Variants in LRRC37A2 observed in about 807,000 individuals in gnomAD.
LRRC37A2 encodes leucine-rich repeat-containing protein 37A2.
A neutral mutation model predicts 68.8 loss-of-function variants in LRRC37A2; 9 were observed. The ratio of observed to expected loss-of-function variants is 0.13; its 90% confidence interval spans 0.08 to 0.23. The LOEUF (loss-of-function observed/expected upper bound fraction) is 0.23, where lower values mean the gene tolerates loss of function less well. Ranked by LOEUF, LRRC37A2 falls within the 10% of genes least tolerant of loss-of-function variation. LRRC37A2 has a pLI of 1.00. For synonymous variants in LRRC37A2, 63 were observed against 367.6 expected (o/e 0.17, Z 9.48); for missense variants, 168 against 950.4 (o/e 0.18, Z 10.82).
chr17:46,876,753 G>T, the LRRC37A2 span: 1 of 1,509,216 alleles, frequency 6.6e-7, no homozygotes, highest in Non-Finnish European at 8.9e-7. Flanking sequence ...GGCACTGCCA[G>T]GACCTCCTGT....
the LRRC37A2 span, chr17:46,749,792 T>C: frequency 1.2e-6 from 2 of 1,614,042 alleles, no homozygotes; most frequent in African/African-American, 1.3e-5. Context: ...CTTCTTATCA[T>C]TGGGACCACT....
At chr17:46,919,900 T>C in the LRRC37A2 span, among the ~76,000 whole-genome samples, 3 of 151,912 alleles carry the variant, frequency 2.0e-5, no homozygotes, top group Non-Finnish European at 4.4e-5. Flanking sequence ...TGAACCAAGA[T>C]TGCACCATTG....
chr17:46,720,512 C>T, the LRRC37A2 span, among the ~76,000 whole-genome samples: 1 of 152,160 alleles, frequency 6.6e-6, no homozygotes, highest in Non-Finnish European at 1.5e-5. Flanking sequence ...AGTTTAGGTC[C>T]ACTTCCTGAG....
the LRRC37A2 span, among the ~76,000 whole-genome samples, chr17:46,828,712 C>T: frequency 2.6e-5 from 4 of 151,518 alleles, no homozygotes; most frequent in Non-Finnish European, 5.9e-5. Flanking sequence ...ATTTCCAGCA[C>T]TTTGGGAGGC....
chr17:46,848,689 T>C, the LRRC37A2 span, among the ~76,000 whole-genome samples: 1 of 152,250 alleles, frequency 6.6e-6, no homozygotes, highest in Non-Finnish European at 1.5e-5. Flanking sequence ...AGTCAGGCTG[T>C]GCCTGGGCAG....
chr17:46,941,884 C>T, the LRRC37A2 span: 1 of 977,028 alleles, frequency 1.0e-6, no homozygotes, highest in South Asian at 4.7e-5. Context: ...CTGTACCTGG[C>T]CTCTAAGGTG....
At chr17:46,727,261 C>A in the LRRC37A2 span, among the ~76,000 whole-genome samples, 1 of 152,116 alleles carries the variant, frequency 6.6e-6, no homozygotes, top group Non-Finnish European at 1.5e-5. Context: ...AGACTTGGTC[C>A]TGGCACTTAA....
At chr17:46,931,194 CA>C in the LRRC37A2 span, 1 of 1,525,986 alleles carries the variant, frequency 6.6e-7, no homozygotes, top group Non-Finnish European at 9.1e-7. Context: ...TAACAAAAGG[CA>C]AAATGCCAGA....
chr17:46,944,822 A>G, the LRRC37A2 span, among the ~76,000 whole-genome samples: 1 of 151,714 alleles, frequency 6.6e-6, no homozygotes, highest in African/African-American at 2.4e-5. Context: ...CTGGTCTCGA[A>G]CTCCTGACTT....
chr17:46,946,844 C>T, the LRRC37A2 span, among the ~76,000 whole-genome samples: 13 of 152,144 alleles, frequency 8.5e-5, no homozygotes, highest in Admixed American at 3.3e-4. Context: ...GCCTGGGTGA[C>T]GAAATGAGAC....
the LRRC37A2 span, among the ~76,000 whole-genome samples, chr17:46,900,220 CATATATATATATAT>C: frequency 8.2e-6 from 1 of 122,176 alleles, no homozygotes; most frequent in African/African-American, 3.8e-5. Flanking sequence ...CACACACACA[CATATATATATATAT>C]ACACACATAT....
chr17:46,932,023 G>A, the LRRC37A2 span: 1 of 1,600,752 alleles, frequency 6.2e-7, no homozygotes, highest in Non-Finnish European at 8.6e-7. Flanking sequence ...AGATTCTGCT[G>A]CCCTGAGTTC....
the LRRC37A2 span, among the ~76,000 whole-genome samples, chr17:46,710,653 T>C: frequency 6.6e-6 from 1 of 152,202 alleles, no homozygotes; most frequent in Non-Finnish European, 1.5e-5. Context: ...TCAAACTGCA[T>C]ACTGTTGATA....
the LRRC37A2 span, among the ~76,000 whole-genome samples, chr17:47,000,086 T>TAAAAAAAATAAAAATAA: frequency 1.7e-4 from 2 of 11,546 alleles, 1 homozygote; most frequent in East Asian, 6.3e-3. Flanking sequence ...AAAAATAAAA[T>TAAAAAAAATAAAAATAA]AAAATAAAAT....
chr17:46,940,567 C>T, the LRRC37A2 span: 3 of 1,614,184 alleles, frequency 1.9e-6, no homozygotes, highest in Non-Finnish European at 2.5e-6. Context: ...ACCCAAGGAT[C>T]CTGCCAGACA....
chr17:46,954,481 C>T, the LRRC37A2 span, among the ~76,000 whole-genome samples: 1 of 152,144 alleles, frequency 6.6e-6, no homozygotes, highest in Non-Finnish European at 1.5e-5. Flanking sequence ...ATGCCTCCAG[C>T]TTTGTTCTTT....
chr17:46,815,463 G>A, the LRRC37A2 span, among the ~76,000 whole-genome samples: 278 of 152,250 alleles, frequency 1.8e-3, no homozygotes, highest in African/African-American at 6.3e-3. Flanking sequence ...AATCCTTCCT[G>A]GGGAATGCAT....
chr17:46,896,872 G>T, the LRRC37A2 span, among the ~76,000 whole-genome samples: 1 of 152,140 alleles, frequency 6.6e-6, no homozygotes, highest in South Asian at 2.1e-4. Flanking sequence ...GACCCTGAGG[G>T]CATCTAGGGC....
At chr17:46,872,649 G>C in the LRRC37A2 span, 6 of 1,613,658 alleles carry the variant, frequency 3.7e-6, no homozygotes, top group Non-Finnish European at 4.2e-6. Flanking sequence ...TCTGCCGGAG[G>C]GAGCCCGGCC....
Sources: allele counts gnomAD v4.1 joint callset (sites outside exome capture counted in the v4.1 genomes callset), GRCh38; gene constraint gnomAD v4.1.1; transcripts MANE v1.5; gene names NCBI Gene and HGNC (gene_info 2026-07-23, HGNC 2026-07-21).